The following BAZ2B variants were observed in gnomAD, a reference collection of about 807,000 sequenced individuals.
BAZ2B encodes the protein bromodomain adjacent to zinc finger domain protein 2B.
A neutral mutation model predicts 246.0 loss-of-function variants in BAZ2B; 91 were observed. The observed-to-expected ratio is 0.37, with a 90% CI of 0.31 to 0.44. BAZ2B has a LOEUF of 0.44. Ranked by LOEUF, BAZ2B falls within the 20% of genes least tolerant of loss-of-function variation. The pLI, the probability that BAZ2B is intolerant of heterozygous loss-of-function variation, is 1.00. For synonymous variants in BAZ2B, 855 were observed against 860.0 expected (o/e 0.99, Z 0.10); for missense variants, 2,332 against 2,533.7 (o/e 0.92, Z 1.71).
intron 2 of BAZ2B, among the ~76,000 whole-genome samples, chr2:159,543,415 A>G (rs2086889689): frequency 6.6e-6 from 1 of 151,896 alleles, no homozygotes; most frequent in Non-Finnish European, 1.5e-5. Context: ...TAATGAATAT[A>G]CTTTTTTTTT....
At chr2:159,341,644 A>T in intron 31 of BAZ2B, among the ~76,000 whole-genome samples, 1 of 152,222 alleles carries the variant, frequency 6.6e-6, no homozygotes, top group East Asian at 1.9e-4. Flanking sequence ...AAAAAATTTT[A>T]AAAATTTGAA....
intron 8 of BAZ2B, chr2:159,437,822 C>T (rs2072666982): frequency 6.5e-6 from 1 of 154,514 alleles, no homozygotes; most frequent in South Asian, 2.0e-4. Flanking sequence ...AAGTCTGAGA[C>T]AGCAGGATCA....
intron 2 of BAZ2B, among the ~76,000 whole-genome samples, chr2:159,510,597 T>C (rs1288350373): frequency 6.6e-6 from 1 of 152,152 alleles, no homozygotes; most frequent in Non-Finnish European, 1.5e-5. Flanking sequence ...TAGATAAAAA[T>C]GGTTAAAATG....
At chr2:159,653,203 G>C in the BAZ2B span, among the ~76,000 whole-genome samples, 7 of 152,262 alleles carry the variant, frequency 4.6e-5, no homozygotes, top group East Asian at 5.8e-4. Context: ...GCCTCCCAAA[G>C]TGCTGGGATT....
chr2:159,374,699 G>C lies in BAZ2B; in HGVS notation c.4060C>G (p.Leu1354Val). Reference protein sequence around the residue: ...VEELEKQIEKLSKQQSQYRRK... With the variant: ...VEELEKQIEKVSKQQSQYRRK... ...ATCAGAAAAGTGCTTACTTTACTCA[G>C]TTTTTCAATCTGTTTTTCCAGCTCT... Residue 1354 changes from leucine (L) to valine (V), a missense_variant, in exon 26 of 37, where the codon CTG becomes GTG. Coordinates refer to ENST00000392783, the MANE Select transcript of BAZ2B (RefSeq NM_013450.4). 5 of 1,612,292 alleles carry C rather than the reference G, an allele frequency of 3.1e-6. No individual in the cohort carries two copies. Among genetic ancestry groups the C allele is most frequent in the Non-Finnish European group, 4.2e-6 (5 of 1,178,768 alleles).
intron 1 of BAZ2B, among the ~76,000 whole-genome samples, chr2:159,557,139 T>C (rs920877247): frequency 2.4e-5 from 3 of 124,256 alleles, no homozygotes; most frequent in South Asian, 2.9e-4. Context: ...CCTACTTCTA[T>C]TCTTTTTTTT....
At chr2:159,577,757 C>T (rs1385302503) in intron 1 of BAZ2B, among the ~76,000 whole-genome samples, 3 of 151,960 alleles carry the variant, frequency 2.0e-5, no homozygotes, top group Non-Finnish European at 2.9e-5. Context: ...CTTTTATACA[C>T]CACAAGAAAT....
chr2:159,553,392 C>CAAAAAA (rs35253250), intron 2 of BAZ2B, among the ~76,000 whole-genome samples: 1,027 of 73,748 alleles, frequency 0.014, 39 homozygotes, highest in African/African-American at 0.04. Flanking sequence ...GACTCTGTCT[C>CAAAAAA]AAAAAAAAAA....
rs113492120 is a variant in BAZ2B, at chr2:159,548,696, G to A, written c.-3+7127C>T. On this transcript the variant is annotated intron_variant, in intron 2 of 36. Transcript: ENST00000392783. ...CACCTGTAACTTCCATGCTTTGGGA[G>A]GCCTAGGTGGAAGGATTGCTTGAGG... Among the ~76,000 whole-genome samples, 689 of 152,222 alleles carry A rather than the reference G, an allele frequency of 4.5e-3. 4 individuals are homozygous for A. Among genetic ancestry groups the A allele is most frequent in the Non-Finnish European group, 8.0e-3 (542 of 68,020 alleles).
intron 3 of BAZ2B, among the ~76,000 whole-genome samples, chr2:159,470,406 A>G (rs187641560): frequency 1.6e-3 from 239 of 152,358 alleles, no homozygotes; most frequent in Non-Finnish European, 2.2e-3. Flanking sequence ...GAATATATAC[A>G]TTTGTCAAAA....
At chr2:159,363,170 C>T (rs3755427) in intron 27 of BAZ2B, among the ~76,000 whole-genome samples, 90,163 of 152,042 alleles carry the variant, frequency 0.59, 30,411 homozygotes, top group Non-Finnish European at 0.78. Context: ...TCTGGGTTGA[C>T]TAATAACACT....
chr2:159,487,166 G>A (rs1417944863), intron 2 of BAZ2B, among the ~76,000 whole-genome samples: 2 of 152,104 alleles, frequency 1.3e-5, no homozygotes, highest in Admixed American at 1.3e-4. Flanking sequence ...CTAAAGGTTT[G>A]TTATTGCTAG....
rs576183404 is a variant in BAZ2B at position 159,342,443 on chromosome 2, G to A, written c.5455-4671C>T. 8.3e-4 allele frequency among the ~76,000 whole-genome samples: 126 copies of A among 152,078 alleles called. 3 individuals carry two copies. In the South Asian group the frequency reaches 0.025, roughly 30 times the overall value. ...TGGGACTATAGGCACGTGTCACTAC[G>A]CCCACCTAATTTTTGTATTTTTTGT... On this transcript the variant is annotated intron_variant, in intron 31 of 36. Coordinates refer to ENST00000392783, the MANE Select transcript of BAZ2B (RefSeq NM_013450.4).
At chr2:159,551,727 T>G (rs898046738) in intron 2 of BAZ2B, among the ~76,000 whole-genome samples, 1 of 152,302 alleles carries the variant, frequency 6.6e-6, no homozygotes, top group Non-Finnish European at 1.5e-5. Flanking sequence ...AAGTAAGAAC[T>G]GATCACAAAA....
chr2:159,578,481 G>C (rs939692152), intron 1 of BAZ2B, among the ~76,000 whole-genome samples: 3 of 152,062 alleles, frequency 2.0e-5, no homozygotes, highest in African/African-American at 7.2e-5. Flanking sequence ...CTCAACAAAG[G>C]AATGATTTAA....
the BAZ2B span, among the ~76,000 whole-genome samples, chr2:159,692,779 T>C: frequency 1.1e-4 from 16 of 152,316 alleles, no homozygotes; most frequent in African/African-American, 3.4e-4. Flanking sequence ...GTAAATCCCA[T>C]ATGGTCATAA....
chr2:159,399,231 T>C (rs1164947033), intron 17 of BAZ2B, among the ~76,000 whole-genome samples: 1 of 152,164 alleles, frequency 6.6e-6, no homozygotes, highest in Non-Finnish European at 1.5e-5. Context: ...TGTCACATTG[T>C]TTTTCTGATT....
intron 2 of BAZ2B, among the ~76,000 whole-genome samples, chr2:159,483,543 G>A (rs934957357): frequency 8.5e-5 from 13 of 152,126 alleles, no homozygotes; most frequent in African/African-American, 2.9e-4. Flanking sequence ...TTGGGAGGCC[G>A]AGGTGGGCAG....
At chr2:159,387,207 T>C (rs973009324) in intron 21 of BAZ2B, among the ~76,000 whole-genome samples, 10 of 152,124 alleles carry the variant, frequency 6.6e-5, no homozygotes, top group Admixed American at 1.3e-4. Flanking sequence ...CCAGTTATAA[T>C]GCAACTAAAG....
Sources: allele counts gnomAD v4.1 joint callset (sites outside exome capture counted in the v4.1 genomes callset), GRCh38; gene constraint gnomAD v4.1.1; transcripts MANE v1.5; gene names NCBI Gene and HGNC (gene_info 2026-07-23, HGNC 2026-07-21).